The following RNF10 variants were observed in gnomAD, a reference collection of about 807,000 sequenced individuals.
RNF10 encodes the protein ring finger protein 10, also known as E3 ubiquitin-protein ligase RNF10.
RNF10 carries 38 observed loss-of-function variants against 91.4 expected under a neutral mutation model. The ratio of observed to expected loss-of-function variants is 0.42; its 90% confidence interval spans 0.32 to 0.54. RNF10 has a LOEUF of 0.54. Ranked by LOEUF, RNF10 falls within the 20% of genes least tolerant of loss-of-function variation. RNF10 has a pLI of 0.16. For missense variants in RNF10, 945 were observed against 1,012.0 expected, an observed-to-expected ratio of 0.93 and a Z score of 0.90; for synonymous variants, 364 against 366.3, an observed-to-expected ratio of 0.99 and a Z score of 0.07.
chr12:120,534,625 C>T lies in RNF10; in HGVS notation c.-187C>T, dbSNP rs931446062. Reference sequence around the variant, plus strand: ...GTCCTCGGTCGCCGCTGCCGCCGGGCTTAACAGCCCCGTCCGCCGCTTCTC... The same window carrying T: ...GTCCTCGGTCGCCGCTGCCGCCGGGTTTAACAGCCCCGTCCGCCGCTTCTC... On this transcript the variant is annotated 5_prime_UTR_variant, in exon 1 of 17. Coordinates refer to ENST00000325954, the MANE Select transcript of RNF10 (RefSeq NM_014868.5). 159 of 1,302,798 alleles carry T rather than the reference C, an allele frequency of 1.2e-4. No homozygotes were observed. Among genetic ancestry groups the T allele is most frequent in the Admixed American group, 1.7e-4 (4 of 23,706 alleles). 80.7% of individuals were successfully genotyped at this position (1,302,798 alleles called of 1,614,324 possible).
intron 4 of RNF10, among the ~76,000 whole-genome samples, chr12:120,556,224 G>C (rs996224612): frequency 6.6e-6 from 1 of 151,920 alleles, no homozygotes; most frequent in African/African-American, 2.4e-5. Flanking sequence ...TTTATGAGCA[G>C]GGGCTTTTGA....
At chr12:120,544,019 G>A (rs1381299963) in intron 1 of RNF10, among the ~76,000 whole-genome samples, 1 of 152,072 alleles carries the variant, frequency 6.6e-6, no homozygotes, top group Non-Finnish European at 1.5e-5. Flanking sequence ...CTTGAGGTCA[G>A]GAGGTCGAGA....
chr12:120,545,468 AG>A (rs1872190418), intron 1 of RNF10, among the ~76,000 whole-genome samples: 1 of 151,948 alleles, frequency 6.6e-6, no homozygotes, highest in African/African-American at 2.4e-5. Context: ...CTAGGATTAC[AG>A]GCATGAGCCA....
intron 13 of RNF10, 95 bp from the exon 14 acceptor site, chr12:120,571,079 TGAGGGGATGATTTGTAA>T: frequency 1.2e-5 from 8 of 668,270 alleles, no homozygotes; most frequent in African/African-American, 7.3e-5. Context: ...TTTTTTTTTT[TGAGGGGATGATTTGTAA>T]TTTTCCAGAC....
At position 120,570,184 on chromosome 12, in the gene RNF10, C is replaced by A. The variant is rs1263234935; in HGVS notation, c.2042-1007C>A. 1.5e-4 allele frequency: 17 copies of A among 112,374 alleles called. No individual in the cohort carries two copies. The Admixed American group carries it at 1.8e-3, about 12-fold the overall frequency. 7.0% of individuals were successfully genotyped at this position (112,374 alleles called of 1,614,324 possible). A position where few individuals can be genotyped will look rare whatever the true frequency, so the allele number is the denominator to read the frequency against. On this transcript the variant is annotated intron_variant, in intron 13 of 16. Coordinates refer to ENST00000325954, the MANE Select transcript of RNF10 (RefSeq NM_014868.5). ...ACAGGCGTGAGCCACCACACCCAGCCTTTTTTTTTTTTTTTTTTTTAAGAT... is the reference window on the plus strand; with the variant it reads ...ACAGGCGTGAGCCACCACACCCAGCATTTTTTTTTTTTTTTTTTTTAAGAT...
At chr12:120,539,552 G>C in intron 1 of RNF10, 1 of 549,176 alleles carries the variant, frequency 1.8e-6, no homozygotes, top group Non-Finnish European at 3.1e-6. Context: ...CGAGCCACCT[G>C]TTAGAACTAG....
chr12:120,575,717 G>C, intron 15 of RNF10, 29 bp downstream of exon 15: 3 of 1,614,136 alleles, frequency 1.9e-6, no homozygotes, highest in Non-Finnish European at 2.5e-6. Context: ...TGAAGGGGGA[G>C]TTTGGCTTCT....
intron 1 of RNF10, among the ~76,000 whole-genome samples, chr12:120,544,532 C>T (rs1593056071): frequency 6.6e-6 from 1 of 152,116 alleles, no homozygotes; most frequent in East Asian, 1.9e-4. Context: ...TGGTGAGTGC[C>T]TGTAGTCTCA....
At chr12:120,567,887 A>G (rs12231143) in intron 13 of RNF10, among the ~76,000 whole-genome samples, 11 of 151,492 alleles carry the variant, frequency 7.3e-5, no homozygotes, top group East Asian at 1.9e-4. Context: ...GTGTGTATGT[A>G]TATATATATA....
chr12:120,562,271 C>CTTTTTTTT (rs71076634), intron 7 of RNF10, among the ~76,000 whole-genome samples: 7 of 100,102 alleles, frequency 7.0e-5, no homozygotes, highest in Non-Finnish European at 5.5e-5. Flanking sequence ...TTCTTTCTTT[C>CTTTTTTTT]TTTTTTTTTT....
chr12:120,538,028 G>A (rs1871086573), intron 1 of RNF10, among the ~76,000 whole-genome samples: 1 of 152,118 alleles, frequency 6.6e-6, no homozygotes. Context: ...TAACAAAAGG[G>A]TACACTCAAG....
intron 13 of RNF10, among the ~76,000 whole-genome samples, chr12:120,567,837 C>T (rs1486173190): frequency 6.6e-6 from 1 of 151,260 alleles, no homozygotes; most frequent in Non-Finnish European, 1.5e-5. Context: ...ACCACCACCA[C>T]AAAACTAAAG....
intron 10 of RNF10, 130 bp downstream of exon 10, chr12:120,564,073 G>A: frequency 1.0e-6 from 1 of 987,880 alleles, no homozygotes; most frequent in Admixed American, 2.4e-5. Context: ...CTTTCTGTCA[G>A]TGATGGTGCT....
intron 1 of RNF10, chr12:120,539,306 A>G: frequency 2.5e-6 from 2 of 797,592 alleles, no homozygotes; most frequent in Non-Finnish European, 3.7e-6. Flanking sequence ...ACACTTAGCA[A>G]GCAGATAACT....
Position 120,546,507 on chromosome 12 carries a change from A to C in RNF10, c.260A>C (p.Gln87Pro), listed in dbSNP as rs773131270. The change falls in exon 2 of 17, where the codon CAG becomes CCG. Residue 87 changes from glutamine to proline, a missense_variant. Gln to Pro is a moderately conservative substitution (Grantham distance 76). Transcript: ENST00000325954. ...FNNQSRRSSS[Q>P]KSKTFNKMPP... Reference sequence around the variant, plus strand: ...AACCAGTCCCGTCGCTCCAGTTCACAGAAAAGCAAGACTTTTAACAAGATG... The same window carrying C: ...AACCAGTCCCGTCGCTCCAGTTCACCGAAAAGCAAGACTTTTAACAAGATG... The C allele has an allele frequency of 5.0e-6, 8 of 1,614,136 alleles. No homozygotes were observed. The East Asian group carries it at 1.8e-4, about 36-fold the overall frequency.
At chr12:120,563,760 C>T (rs780908036) in intron 9 of RNF10, 50 bp from the exon 10 acceptor site, 3 of 1,606,238 alleles carry the variant, frequency 1.9e-6, no homozygotes, top group Admixed American at 3.3e-5. Context: ...GGTGGGGAGC[C>T]TCCTGGGGAC....
chr12:120,561,506 C>T (rs1874837201), intron 7 of RNF10, among the ~76,000 whole-genome samples: 1 of 152,120 alleles, frequency 6.6e-6, no homozygotes, highest in Non-Finnish European at 1.5e-5. Context: ...GCTGCTCATC[C>T]CCAGACCACA....
intron 2 of RNF10, among the ~76,000 whole-genome samples, chr12:120,550,543 T>G (rs80136474): frequency 0.01 from 1,587 of 151,976 alleles, 29 homozygotes; most frequent in African/African-American, 0.037. Context: ...GTCTTGGGCT[T>G]CCTGTGTTGC....
chr12:120,570,431 C>T (rs1448047383), intron 13 of RNF10, among the ~76,000 whole-genome samples: 1 of 152,054 alleles, frequency 6.6e-6, no homozygotes, highest in Non-Finnish European at 1.5e-5. Flanking sequence ...GGTGATCCAC[C>T]CACCTCAGCC....
Sources: allele counts gnomAD v4.1 joint callset (sites outside exome capture counted in the v4.1 genomes callset), GRCh38; gene constraint gnomAD v4.1.1; transcripts MANE v1.5; gene names NCBI Gene and HGNC (gene_info 2026-07-23, HGNC 2026-07-21).